Variants in CLSPN observed in about 807,000 individuals in gnomAD.
The protein encoded by CLSPN is claspin, also known as claspin homolog.
Under a neutral mutation model 156.3 loss-of-function variants are expected in CLSPN, and 85 were observed. That is an observed-to-expected ratio of 0.54 (90% CI 0.46 to 0.65). The LOEUF (loss-of-function observed/expected upper bound fraction) is 0.65. CLSPN is among the 30% of genes least tolerant of loss of function. The probability of loss-of-function intolerance (pLI) is 0.00; values close to 1 mark genes in which losing one functional copy is unlikely to be tolerated. For missense variants in CLSPN, 1,407 were observed against 1,554.9 expected, an observed-to-expected ratio of 0.90 and a Z score of 1.60; for synonymous variants, 534 against 542.4, an observed-to-expected ratio of 0.98 and a Z score of 0.22.
Position 35,733,483 on chromosome 1 carries a change from T to C in CLSPN, c.*3013A>G. ...CCTCAGTTGTCAATTCCAATTGTCT[T>C]TTCTATCTCTCCTCAAAAGACATGT... On this transcript the variant is annotated 3_prime_UTR_variant, in exon 25 of 25. Transcript: ENST00000318121. The C allele has an allele frequency of 1.0e-6, 1 of 985,344 alleles. No individual in the cohort carries two copies. The highest frequency in any genetic ancestry group is 1.2e-6 in the Non-Finnish European group (1 of 829,906). The allele number at this position is 985,344 out of a possible 1,614,324, so 61.0% of individuals were successfully genotyped here. A position where few individuals can be genotyped will look rare whatever the true frequency, so the allele number is the denominator to read the frequency against.
In CLSPN at chr1:35,734,558, G is replaced by C; in HGVS notation, c.*1938C>G. 3.4e-6 allele frequency: 1 copy of C among 291,410 alleles called. No individual in the cohort carries two copies. Among genetic ancestry groups the C allele is most frequent in the Non-Finnish European group, 5.1e-6 (1 of 195,804 alleles). 18.1% of individuals were successfully genotyped at this position (291,410 alleles called of 1,614,324 possible). The stretch of plus-strand genomic sequence containing the variant: ...TAGCTGGGAGTGGTGGCAGGTGCCT[G>C]TAATCCCTGCTATTTGGGAGGCCGA... On this transcript the variant is annotated 3_prime_UTR_variant, in exon 25 of 25. Transcript: ENST00000318121.
intron 24 of CLSPN, chr1:35,721,124 T>C: frequency 1.7e-6 from 1 of 599,128 alleles, no homozygotes; most frequent in Non-Finnish European, 2.9e-6. Context: ...GTGGAATTTC[T>C]TTCACCGACA....
intron 24 of CLSPN, among the ~76,000 whole-genome samples, chr1:35,725,104 AC>A (rs891891089): frequency 1.3e-5 from 2 of 151,944 alleles, no homozygotes; most frequent in Non-Finnish European, 2.9e-5. Context: ...CTTCCCCTAA[AC>A]CCTCCACCTA....
intron 8 of CLSPN, among the ~76,000 whole-genome samples, chr1:35,756,006 T>C (rs1226863282): frequency 6.6e-6 from 1 of 152,214 alleles, no homozygotes; most frequent in Non-Finnish European, 1.5e-5. Context: ...ACTAATTTTC[T>C]AAAATGCACT....
chr1:35,763,438 C>T (rs952691093), intron 3 of CLSPN, 117 bp from the exon 4 acceptor site: 15 of 656,702 alleles, frequency 2.3e-5, no homozygotes, highest in African/African-American at 3.7e-5. Flanking sequence ...AACAGACAAG[C>T]ATATAAAATC....
intron 18 of CLSPN, 87 bp downstream of exon 18, chr1:35,743,054 T>C (rs1641750432): frequency 2.1e-6 from 2 of 964,494 alleles, no homozygotes; most frequent in African/African-American, 1.6e-5. Context: ...CCCAAAATGA[T>C]GGGATTACAG....
downstream of CLSPN, among the ~76,000 whole-genome samples, chr1:35,730,633 G>A (rs1641293281): frequency 6.7e-6 from 1 of 149,602 alleles, no homozygotes; most frequent in Non-Finnish European, 1.5e-5. Flanking sequence ...TAAGAAAGGA[G>A]TGGTAATGGT....
rs977322975 is a variant in CLSPN at position 35,733,410 on chromosome 1, C to T, written c.*3086G>A. On this transcript the variant is annotated 3_prime_UTR_variant, in exon 25 of 25. Transcript: ENST00000318121. ...GTTCAAGCAATGCACCCACCTCAGTCTCCTAAAGTGCTGGCGTGAGCCACC... is the reference window on the plus strand; with the variant it reads ...GTTCAAGCAATGCACCCACCTCAGTTTCCTAAAGTGCTGGCGTGAGCCACC... 8.5e-6 allele frequency: 8 copies of T among 940,508 alleles called. No homozygotes were observed. The African/African-American group carries it at 1.1e-4, about 13-fold the overall frequency. 58.3% of individuals were successfully genotyped at this position (940,508 alleles called of 1,614,324 possible). A position where few individuals can be genotyped will look rare whatever the true frequency, so the allele number is the denominator to read the frequency against.
At chr1:35,751,589 C>T in intron 9 of CLSPN, 83 bp from the exon 10 acceptor site, 1 of 1,498,538 alleles carries the variant, frequency 6.7e-7, no homozygotes, top group Non-Finnish European at 8.9e-7. Context: ...ATATTCTAGT[C>T]ACATCCCAAA....
chr1:35,723,146 T>C (rs997456384), intron 24 of CLSPN, among the ~76,000 whole-genome samples: 1 of 152,174 alleles, frequency 6.6e-6, no homozygotes, highest in African/African-American at 2.4e-5. Context: ...GCCAGAGGCT[T>C]TTCCAGTGAG....
rs1642179372 is a variant in CLSPN at position 35,753,796 on chromosome 1, G to A, written c.1720C>T (p.Pro574Ser). The A allele has an allele frequency of 1.2e-6, 2 of 1,614,212 alleles. No homozygotes were observed. The highest frequency in any genetic ancestry group is 8.5e-7 in the Non-Finnish European group (1 of 1,180,046). The change falls in exon 9 of 25, where the codon CCT becomes TCT. Residue 574 changes from proline to serine, a missense_variant. Physicochemically the swap from Pro to Ser is moderately conservative, Grantham distance 74 (BLOSUM62 -1). Transcript: ENST00000318121. ...AACTTCTTAGGTGCTAAAGTCACAG[G>A]TACCACATCTGCTTTTAGCTCTTCC... ...GKEELKADVV[P>S]VTLAPKKLDG...
At chr1:35,757,091 A>G (rs1330269955) in intron 8 of CLSPN, among the ~76,000 whole-genome samples, 1 of 151,794 alleles carries the variant, frequency 6.6e-6, no homozygotes, top group Non-Finnish European at 1.5e-5. Context: ...GCCCTCCCTC[A>G]CCTCTCTGCC....
At chr1:35,745,615 C>G in intron 15 of CLSPN, 53 bp from the exon 16 acceptor site, 1 of 1,278,430 alleles carries the variant, frequency 7.8e-7, no homozygotes, top group Non-Finnish European at 1.1e-6. Flanking sequence ...GCTTTATACT[C>G]TTTTCCCAGC....
At position 35,761,106 on chromosome 1, in the gene CLSPN, C is replaced by T; in HGVS notation, c.994G>A (p.Ala332Thr). Residue 332 changes from alanine (A) to threonine (T), a missense_variant, in exon 7 of 25, where the codon GCA (alanine) becomes ACA (threonine). Coordinates refer to ENST00000318121, the MANE Select transcript of CLSPN (RefSeq NM_022111.4). Reference protein sequence around the residue: ...PRPTCHGNAMALLKSSKYQSS... With the variant: ...PRPTCHGNAMTLLKSSKYQSS... ...AAAGAGGGTTCTTACTTCAATAGTG[C>T]CATGGCATTTCCGTGGCAAGTGGGC... is the stretch of plus-strand genomic sequence containing the variant. The T allele has an allele frequency of 1.9e-6, 3 of 1,604,876 alleles. No homozygotes were observed. The highest frequency in any genetic ancestry group is 2.6e-6 in the Non-Finnish European group (3 of 1,171,654).
At chr1:35,769,138 T>A (rs2148630026) in intron 1 of CLSPN, among the ~76,000 whole-genome samples, 1 of 152,354 alleles carries the variant, frequency 6.6e-6, no homozygotes, top group South Asian at 2.1e-4. Context: ...GCATTAATTT[T>A]GGTTTTTTAA....
chr1:35,745,442 G>A lies in CLSPN; in HGVS notation c.2966+9C>T. 6.3e-7 allele frequency: 1 copy of A among 1,591,964 alleles called. No individual in the cohort carries two copies. Among genetic ancestry groups the A allele is most frequent in the Non-Finnish European group, 8.6e-7 (1 of 1,160,458 alleles). ...GGCCTTCCCAAATTCCCAGCAATCTGAGACTTACTTGTCTGTGGGAAAAGA... is the reference window on the plus strand; with the variant it reads ...GGCCTTCCCAAATTCCCAGCAATCTAAGACTTACTTGTCTGTGGGAAAAGA... On this transcript the variant is annotated intron_variant, in intron 16 of 24. Coordinates refer to ENST00000318121, the MANE Select transcript of CLSPN (RefSeq NM_022111.4).
chr1:35,755,181 A>G (rs1354426581), intron 8 of CLSPN, among the ~76,000 whole-genome samples: 1 of 151,950 alleles, frequency 6.6e-6, no homozygotes, highest in African/African-American at 2.4e-5. Flanking sequence ...CTGTAGCCTC[A>G]ATCTCCCCAA....
chr1:35,748,568 C>T lies in CLSPN; in HGVS notation c.2309G>A (p.Ser770Asn), dbSNP rs761951351. ...CAGCTCAAAGCTGCTATTGTGGCTG[C>T]TCTCCTTTGTTAGCAATGAACATGA... ...DDSCSLLTKE[S>N]SHNSSFELIG... Residue 770 changes from serine to asparagine, a missense_variant, in exon 13 of 25, where the codon AGC (serine) becomes AAC (asparagine). Coordinates refer to ENST00000318121, the MANE Select transcript of CLSPN (RefSeq NM_022111.4). 1 of 1,614,026 alleles carries T rather than the reference C, an allele frequency of 6.2e-7. No individual in the cohort carries two copies. Among genetic ancestry groups the T allele is most frequent in the South Asian group, 1.1e-5 (1 of 91,084 alleles).
chr1:35,749,195 C>T (rs1303093663), intron 12 of CLSPN, among the ~76,000 whole-genome samples: 3 of 152,134 alleles, frequency 2.0e-5, no homozygotes, highest in East Asian at 1.9e-4. Flanking sequence ...ATCAATTATA[C>T]GTCTTCCTTT....
Sources: gnomAD v4.1 joint callset for allele counts (sites outside exome capture counted in the v4.1 genomes callset) on GRCh38, gnomAD v4.1.1 for gene constraint, MANE v1.5 for transcripts, NCBI Gene and HGNC (gene_info 2026-07-23, HGNC 2026-07-21) for gene names.